Variants in PRH1 observed in about 807,000 individuals in gnomAD.
PRH1 encodes proline rich protein HaeIII subfamily 1.
In PRH1, 7 loss-of-function variants were observed where a neutral mutation model predicts 7.9. That is an observed-to-expected ratio of 0.89 (90% CI 0.50 to 1.67). PRH1 has a LOEUF of 1.67. Ranked by LOEUF, PRH1 falls within the 40% of genes most tolerant of loss-of-function variation. PRH1 has a pLI of 0.00. For synonymous variants in PRH1, 45 were observed against 80.8 expected, an observed-to-expected ratio of 0.56 and a Z score of 2.38; for missense variants, 109 against 223.6, an observed-to-expected ratio of 0.49 and a Z score of 3.27.
At chr12:11,061,301 A>T (rs1943589065) in intron 1 of PRH1, 1 of 1,537,306 alleles carries the variant, frequency 6.5e-7, no homozygotes, top group Admixed American at 2.1e-5. Flanking sequence ...AGTAAGAAAT[A>T]TAAAATGCTT....
At chr12:11,060,349 A>G (rs1247095686) in intron 1 of PRH1, among the ~76,000 whole-genome samples, 2 of 152,146 alleles carry the variant, frequency 1.3e-5, no homozygotes, top group South Asian at 2.1e-4. Flanking sequence ...TTTATTTTCC[A>G]TAATTTCTAT....
At chr12:11,135,110 C>T (rs1946507474) in intron 1 of PRH1, among the ~76,000 whole-genome samples, 1 of 152,018 alleles carries the variant, frequency 6.6e-6, no homozygotes, top group Non-Finnish European at 1.5e-5. Context: ...TCTCTCAAGT[C>T]TAATATTTAA....
chr12:10,925,019 C>A (rs1936557605), intron 2 of PRH1, among the ~76,000 whole-genome samples: 1 of 152,112 alleles, frequency 6.6e-6, no homozygotes, highest in African/African-American at 2.4e-5. Flanking sequence ...CTGCTCTGAT[C>A]TTAGTTGTTT....
chr12:11,031,462 C>G (rs533209722), intron 1 of PRH1: 2 of 1,064,660 alleles, frequency 1.9e-6, no homozygotes, highest in East Asian at 2.7e-5. Flanking sequence ...AGTGTTGCTG[C>G]TCTTAAAGAT....
At chr12:11,167,558 C>T (rs1947618815) in intron 1 of PRH1, among the ~76,000 whole-genome samples, 1 of 151,902 alleles carries the variant, frequency 6.6e-6, no homozygotes, top group South Asian at 2.1e-4. Flanking sequence ...CATTCTCCTG[C>T]CTCAGCCTCC....
chr12:11,168,417 AAAGG>A (rs1194721967), intron 1 of PRH1, among the ~76,000 whole-genome samples: 7 of 148,478 alleles, frequency 4.7e-5, no homozygotes, highest in African/African-American at 1.7e-4. Context: ...AGAAAGAAAG[AAAGG>A]AAAAGAAAAG....
intron 1 of PRH1, among the ~76,000 whole-genome samples, chr12:10,883,421 C>T (rs1441664361): frequency 6.6e-6 from 1 of 152,130 alleles, no homozygotes; most frequent in African/African-American, 2.4e-5. Flanking sequence ...TTTTCTCATC[C>T]TCCTCTCTTC....
intron 2 of PRH1, among the ~76,000 whole-genome samples, chr12:10,912,898 T>G (rs1216097744): frequency 2.0e-5 from 3 of 152,206 alleles, no homozygotes; most frequent in Admixed American, 6.5e-5. Flanking sequence ...GTTTCATACA[T>G]CCACTAGATC....
intron 1 of PRH1, among the ~76,000 whole-genome samples, chr12:11,041,644 C>T (rs535582699): frequency 6.6e-5 from 10 of 152,260 alleles, no homozygotes; most frequent in South Asian, 4.1e-4. Flanking sequence ...TAGATACTTA[C>T]GTAACATTTC....
At chr12:10,924,981 G>C (rs927092727) in intron 2 of PRH1, among the ~76,000 whole-genome samples, 3 of 152,064 alleles carry the variant, frequency 2.0e-5, no homozygotes, top group Non-Finnish European at 4.4e-5. Context: ...TTCTTGAAGG[G>C]TGTTTTGTGT....
At chr12:10,928,818 A>G (rs988399327) in intron 2 of PRH1, among the ~76,000 whole-genome samples, 2 of 152,226 alleles carry the variant, frequency 1.3e-5, no homozygotes, top group African/African-American at 2.4e-5. Flanking sequence ...AGAGTCAGAC[A>G]TATTGACCGT....
intron 1 of PRH1, among the ~76,000 whole-genome samples, chr12:11,154,640 C>A (rs1749144013): frequency 6.6e-6 from 1 of 152,172 alleles, no homozygotes; most frequent in African/African-American, 2.4e-5. Context: ...TCTCTTGGAG[C>A]TGCCTTCAAA....
At chr12:11,167,821 C>T (rs1036814389) in intron 1 of PRH1, among the ~76,000 whole-genome samples, 12 of 152,182 alleles carry the variant, frequency 7.9e-5, no homozygotes, top group Admixed American at 1.3e-4. Flanking sequence ...GCAGAAGCAA[C>T]ATTCTCTTTT....
chr12:10,892,791 T>C (rs1949593572), intron 2 of PRH1, among the ~76,000 whole-genome samples: 1 of 152,172 alleles, frequency 6.6e-6, no homozygotes, highest in African/African-American at 2.4e-5. Flanking sequence ...AAATGAAGTA[T>C]ATTTTGTGAA....
chr12:11,126,387 G>T (rs75492347), intron 1 of PRH1, among the ~76,000 whole-genome samples: 9 of 55,416 alleles, frequency 1.6e-4, no homozygotes, highest in African/African-American at 5.9e-4. Context: ...AATATCTCTC[G>T]TATCTATGTA....
At chr12:10,943,783 C>A (rs888723309) in intron 2 of PRH1, among the ~76,000 whole-genome samples, 2 of 152,106 alleles carry the variant, frequency 1.3e-5, no homozygotes, top group Non-Finnish European at 2.9e-5. Context: ...TGATCTTCTG[C>A]AGATAGCTAG....
chr12:11,037,471 T>C (rs1327798170), intron 1 of PRH1, among the ~76,000 whole-genome samples: 2 of 152,346 alleles, frequency 1.3e-5, no homozygotes, highest in Non-Finnish European at 2.9e-5. Flanking sequence ...GTGAATAGTA[T>C]TGTGAAATTA....
In PRH1 at chr12:10,966,051, T is replaced by G. The variant is rs148546298; in HGVS notation, c.-59+7604A>C. Among the ~76,000 whole-genome samples, 708 of 151,974 alleles carry G rather than the reference T, an allele frequency of 4.7e-3. 6 individuals are homozygous for G. The highest frequency in any genetic ancestry group is 0.016 in the African/African-American group (682 of 41,444). On this transcript the variant is annotated intron_variant, in intron 2 of 3. Coordinates refer to the PRH1 transcript ENST00000539853. ...CATACACATACCCATCCAGAAAAAA[T>G]GAACTTTTAAAATAATTTCCAAAAT...
At chr12:10,909,018 T>G (rs34885344) in intron 2 of PRH1, 1 of 1,613,760 alleles carries the variant, frequency 6.2e-7, no homozygotes, top group African/African-American at 1.3e-5. Flanking sequence ...GAGATTGAAG[T>G]GATTAGAAAC....
Sources: allele counts gnomAD v4.1 joint callset (sites outside exome capture counted in the v4.1 genomes callset), GRCh38; gene constraint gnomAD v4.1.1; transcripts MANE v1.5; gene names NCBI Gene and HGNC (gene_info 2026-07-23, HGNC 2026-07-21).